HS2ST1: variants seen among roughly 807,000 people sequenced by gnomAD.
The protein encoded by HS2ST1 is heparan sulfate 2-O-sulfotransferase 1, also known as 2-O-sulfotransferase.
A neutral mutation model predicts 42.9 loss-of-function variants in HS2ST1; 18 were observed. That is an observed-to-expected ratio of 0.42 (90% confidence interval 0.29 to 0.62). The LOEUF is 0.62. Ranked by LOEUF, HS2ST1 falls within the 20% of genes least tolerant of loss-of-function variation. The pLI, the probability that HS2ST1 is intolerant of heterozygous loss-of-function variation, is 0.21. For synonymous variants in HS2ST1, 146 were observed against 152.9 expected (o/e 0.95, Z 0.33); for missense variants, 334 against 433.8 (o/e 0.77, Z 2.04).
At position 86,955,839 on chromosome 1, in the gene HS2ST1, A is replaced by G. The variant is rs148412636; in HGVS notation, c.124+40679A>G. Among the ~76,000 whole-genome samples the G allele has an allele frequency of 2.1e-3, 312 of 152,108 alleles. 2 individuals carry two copies. Among genetic ancestry groups the G allele is most frequent in the African/African-American group, 7.0e-3 (292 of 41,496 alleles). On this transcript the variant is annotated intron_variant, in intron 1 of 6. Transcript: ENST00000370550. Reference sequence around the variant, plus strand: ...CTCTCTACCAAAAATACAATAAATTATACGTGCATGGGTGGTGCACGCCTG... The same window carrying G: ...CTCTCTACCAAAAATACAATAAATTGTACGTGCATGGGTGGTGCACGCCTG...
intron 1 of HS2ST1, among the ~76,000 whole-genome samples, chr1:87,057,283 A>G (rs1314878333): frequency 6.6e-6 from 1 of 152,178 alleles, no homozygotes; most frequent in Middle Eastern, 3.2e-3. Context: ...GGTGTCCTTA[A>G]CAATCTTTAA....
At chr1:87,028,176 C>T (rs1650136366) in intron 1 of HS2ST1, among the ~76,000 whole-genome samples, 1 of 152,166 alleles carries the variant, frequency 6.6e-6, no homozygotes, top group Non-Finnish European at 1.5e-5. Flanking sequence ...ACGTACACTA[C>T]TAGACAAGTG....
At chr1:86,936,351 T>A (rs1000551787) in intron 1 of HS2ST1, among the ~76,000 whole-genome samples, 2 of 152,310 alleles carry the variant, frequency 1.3e-5, no homozygotes, top group East Asian at 3.9e-4. Flanking sequence ...TAGGCTAGAT[T>A]TCCAAATTAT....
chr1:87,075,170 T>G (rs1651506529), intron 2 of HS2ST1, among the ~76,000 whole-genome samples: 1 of 141,092 alleles, frequency 7.1e-6, no homozygotes, highest in South Asian at 2.3e-4. Context: ...CCTTTTTTTT[T>G]TTTTTTTTTT....
chr1:87,049,947 T>G (rs1048540041), intron 1 of HS2ST1, among the ~76,000 whole-genome samples: 1 of 152,070 alleles, frequency 6.6e-6, no homozygotes, highest in African/African-American at 2.4e-5. Context: ...CAAAATTGTT[T>G]AGGATTGTTA....
intron 1 of HS2ST1, among the ~76,000 whole-genome samples, chr1:86,973,224 T>G (rs1024026623): frequency 2.3e-5 from 3 of 128,082 alleles, no homozygotes; most frequent in African/African-American, 1.2e-4. Context: ...TTTATGGTCT[T>G]TTTTTTTTTT....
chr1:87,013,760 A>G (rs192846236), intron 1 of HS2ST1, among the ~76,000 whole-genome samples: 27 of 152,330 alleles, frequency 1.8e-4, no homozygotes, highest in Admixed American at 1.6e-3. Flanking sequence ...GTAAGTACAT[A>G]AAGCTGAATG....
chr1:87,010,631 A>G (rs545203013), intron 1 of HS2ST1, among the ~76,000 whole-genome samples: 46 of 152,264 alleles, frequency 3.0e-4, no homozygotes, highest in African/African-American at 1.1e-3. Context: ...CTAATACTAG[A>G]TGTTCTGCTC....
chr1:87,022,236 G>T (rs927887705), intron 1 of HS2ST1, among the ~76,000 whole-genome samples: 1 of 152,140 alleles, frequency 6.6e-6, no homozygotes, highest in Non-Finnish European at 1.5e-5. Context: ...AATGCAAGGT[G>T]ACCCTTAATA....
At chr1:87,031,449 AGAGT>A (rs1650235957) in intron 1 of HS2ST1, among the ~76,000 whole-genome samples, 2 of 13,730 alleles carry the variant, frequency 1.5e-4, no homozygotes, top group Non-Finnish European at 3.6e-4. Context: ...CATTCTACTC[AGAGT>A]GTGGTCCACG....
intron 1 of HS2ST1, among the ~76,000 whole-genome samples, chr1:87,065,361 G>A (rs1230303082): frequency 6.6e-6 from 1 of 152,182 alleles, no homozygotes; most frequent in Non-Finnish European, 1.5e-5. Context: ...GATCTGACTA[G>A]ACAAATTGAT....
intron 1 of HS2ST1, chr1:87,044,843 C>T: frequency 2.5e-6 from 2 of 787,348 alleles, no homozygotes; most frequent in East Asian, 2.8e-5. Flanking sequence ...CCATTTTTTC[C>T]CCTTTGGAAC....
intron 2 of HS2ST1, among the ~76,000 whole-genome samples, chr1:87,083,878 G>A (rs1228048575): frequency 6.6e-6 from 1 of 152,132 alleles, no homozygotes; most frequent in Non-Finnish European, 1.5e-5. Context: ...GCAGGGTGTA[G>A]ATACATACAC....
chr1:86,915,662 GAGCA>G (rs1454616894), intron 1 of HS2ST1, among the ~76,000 whole-genome samples: 1 of 152,198 alleles, frequency 6.6e-6, no homozygotes, highest in Non-Finnish European at 1.5e-5. Flanking sequence ...GGATGACGGA[GAGCA>G]ACATGTGAAC....
At chr1:87,076,103 CA>C (rs144975965) in intron 2 of HS2ST1, among the ~76,000 whole-genome samples, 9,103 of 152,038 alleles carry the variant, frequency 0.06, 690 homozygotes, top group African/African-American at 0.18. Context: ...TGTTCCCTAC[CA>C]AAATGTTTGA....
At chr1:87,078,844 C>T (rs1651611248) in intron 2 of HS2ST1, among the ~76,000 whole-genome samples, 1 of 151,978 alleles carries the variant, frequency 6.6e-6, no homozygotes, top group Non-Finnish European at 1.5e-5. Context: ...AACTGAAAGA[C>T]AAAGCAAGTG....
At chr1:87,080,226 A>G (rs1052964757) in intron 2 of HS2ST1, among the ~76,000 whole-genome samples, 3 of 152,186 alleles carry the variant, frequency 2.0e-5, no homozygotes, top group Non-Finnish European at 4.4e-5. Context: ...CCAAGATAAT[A>G]AAAAGACAAG....
At chr1:87,100,967 A>G (rs1195309754) in intron 5 of HS2ST1, among the ~76,000 whole-genome samples, 2 of 151,916 alleles carry the variant, frequency 1.3e-5, no homozygotes, top group African/African-American at 2.4e-5. Context: ...CAGGCTGTGA[A>G]TTTTCCAAAT....
chr1:87,002,740 C>G (rs978594370), intron 1 of HS2ST1, among the ~76,000 whole-genome samples: 5 of 151,992 alleles, frequency 3.3e-5, no homozygotes, highest in African/African-American at 1.2e-4. Flanking sequence ...AAATTTTCCC[C>G]CCCGCTGACT....
Sources: gnomAD v4.1 joint callset for allele counts (sites outside exome capture counted in the v4.1 genomes callset) on GRCh38, gnomAD v4.1.1 for gene constraint, MANE v1.5 for transcripts, NCBI Gene and HGNC (gene_info 2026-07-23, HGNC 2026-07-21) for gene names.